The following KAZN variants were observed in gnomAD, a reference collection of about 807,000 sequenced individuals.
The protein encoded by KAZN is kazrin.
KAZN carries 40 observed loss-of-function variants against 87.4 expected under a neutral mutation model. The observed-to-expected ratio is 0.46, with a 90% CI of 0.36 to 0.60. The LOEUF (loss-of-function observed/expected upper bound fraction) is 0.60. Among genes scored for constraint, KAZN ranks in the 20% least tolerant of loss-of-function variants. KAZN has a pLI of 0.00. For missense variants in KAZN, 898 were observed against 1,073.9 expected, an observed-to-expected ratio of 0.84 and a Z score of 2.29; for synonymous variants, 466 against 458.3, an observed-to-expected ratio of 1.02 and a Z score of -0.22.
chr1:14,869,114 G>A (rs1019462474), intron 1 of KAZN, among the ~76,000 whole-genome samples: 4 of 152,312 alleles, frequency 2.6e-5, no homozygotes, highest in Admixed American at 2.6e-4. Flanking sequence ...CCAAAGCCAT[G>A]ACAGCTGGAT....
intron 2 of KAZN, among the ~76,000 whole-genome samples, chr1:15,011,214 T>A (rs1311525967): frequency 1.3e-5 from 2 of 152,202 alleles, no homozygotes; most frequent in Non-Finnish European, 2.9e-5. Flanking sequence ...CCTACCCTGC[T>A]TATGTAGCCA....
chr1:14,616,912 C>T lies in KAZN; in HGVS notation c.226+17689C>T, dbSNP rs1341064702. Among the ~76,000 whole-genome samples the T allele has an allele frequency of 4.6e-5, 7 of 152,336 alleles. No individual in the cohort carries two copies. In the East Asian group the frequency reaches 1.2e-3, roughly 25 times the overall value. On this transcript the variant is annotated intron_variant, in intron 1 of 14. Coordinates refer to ENST00000376030, the MANE Select transcript of KAZN (RefSeq NM_201628.3). ...TCAAATCGCTATTAACTCCAGCCAG[C>T]TCCTAAGGGGCTGTCTATGCTGTCC... is the stretch of plus-strand genomic sequence containing the variant.
chr1:14,316,175 C>T (rs1655646158), intron 2 of KAZN, among the ~76,000 whole-genome samples: 1 of 151,906 alleles, frequency 6.6e-6, no homozygotes. Context: ...TCATGTACTT[C>T]CTGGACAGGT....
At chr1:14,692,039 A>C in intron 1 of KAZN, 1 of 210,828 alleles carries the variant, frequency 4.7e-6, no homozygotes, top group East Asian at 1.0e-4. Context: ...CTGAACACAC[A>C]GTAGTGGTAA....
intron 1 of KAZN, among the ~76,000 whole-genome samples, chr1:14,852,665 TGAC>T (rs1479553047): frequency 6.6e-6 from 1 of 152,250 alleles, no homozygotes; most frequent in African/African-American, 2.4e-5. Context: ...TGGCAGAAGA[TGAC>T]AAGTGCAAGC....
chr1:14,123,968 C>T (rs1270689022), intron 1 of KAZN, among the ~76,000 whole-genome samples: 3 of 152,188 alleles, frequency 2.0e-5, no homozygotes, highest in African/African-American at 7.2e-5. Context: ...TGGCTGGCCC[C>T]TCGGAGGCTC....
chr1:13,950,061 C>A lies in KAZN; in HGVS notation c.91+56305C>A, dbSNP rs552414108. On this transcript the variant is annotated intron_variant, in intron 1 of 16. Coordinates refer to the KAZN transcript ENST00000636203. ...CTTGCTCTGCAGCCCCCTCTTCCAA[C>A]ACATCCCCACACCCCAGGGCTGAGC... Among the ~76,000 whole-genome samples, 7 of 152,330 alleles carry A rather than the reference C, an allele frequency of 4.6e-5. No individual in the cohort carries two copies. In the South Asian group the frequency reaches 1.4e-3, roughly 32 times the overall value.
intron 2 of KAZN, among the ~76,000 whole-genome samples, chr1:14,988,283 G>T (rs1419265557): frequency 6.6e-6 from 1 of 152,172 alleles, no homozygotes; most frequent in Non-Finnish European, 1.5e-5. Context: ...CCTCCTCCCG[G>T]GGCTTCCTCC....
At chr1:14,063,605 A>G (rs189774026) in intron 1 of KAZN, among the ~76,000 whole-genome samples, 1 of 152,320 alleles carries the variant, frequency 6.6e-6, no homozygotes, top group Non-Finnish European at 1.5e-5. Context: ...CCATCTATTC[A>G]GAAGTATTTA....
intron 1 of KAZN, among the ~76,000 whole-genome samples, chr1:14,870,101 C>A (rs1385656621): frequency 1.3e-5 from 2 of 152,138 alleles, no homozygotes; most frequent in African/African-American, 4.8e-5. Flanking sequence ...TGTCCAGGAG[C>A]ACTGGGCCTG....
At chr1:14,227,820 A>G (rs1571074931) in intron 2 of KAZN, among the ~76,000 whole-genome samples, 1 of 152,232 alleles carries the variant, frequency 6.6e-6, no homozygotes, top group African/African-American at 2.4e-5. Context: ...AAAATTCAGT[A>G]CGTATTAAAA....
intron 1 of KAZN, among the ~76,000 whole-genome samples, chr1:14,695,254 A>G (rs1343968205): frequency 6.6e-6 from 1 of 152,192 alleles, no homozygotes; most frequent in Non-Finnish European, 1.5e-5. Context: ...TGGGTCTGCT[A>G]CAACATGGCC....
At chr1:14,943,007 GGTGTGTGTGTGTGTGT>G (rs58102946) in intron 1 of KAZN, among the ~76,000 whole-genome samples, 14 of 100,864 alleles carry the variant, frequency 1.4e-4, no homozygotes, top group Admixed American at 4.6e-4. Flanking sequence ...GTGTGTGTGT[GGTGTGTGTGTGTGTGT>G]GTGTGTGTGT....
At chr1:14,995,356 C>T (rs1023625342) in intron 2 of KAZN, among the ~76,000 whole-genome samples, 2 of 152,204 alleles carry the variant, frequency 1.3e-5, no homozygotes, top group Non-Finnish European at 2.9e-5. Flanking sequence ...TCTCCCCTTC[C>T]CTTTGCTATC....
chr1:14,309,560 T>C (rs1655148047), intron 2 of KAZN, among the ~76,000 whole-genome samples: 1 of 152,136 alleles, frequency 6.6e-6, no homozygotes. Flanking sequence ...TGGCATTAAT[T>C]GATTTTTTTG....
At chr1:14,386,275 A>G (rs1432226561) in intron 2 of KAZN, among the ~76,000 whole-genome samples, 7 of 146,808 alleles carry the variant, frequency 4.8e-5, no homozygotes, top group African/African-American at 1.8e-4. Flanking sequence ...CCAATTTGCC[A>G]GTCTGTGTCT....
At chr1:14,324,674 C>T (rs975465788) in intron 2 of KAZN, among the ~76,000 whole-genome samples, 5 of 152,112 alleles carry the variant, frequency 3.3e-5, no homozygotes, top group African/African-American at 1.2e-4. Context: ...GGGGGAAGTA[C>T]TTGAAACATT....
At chr1:15,092,755 G>A (rs375747151) in intron 8 of KAZN, among the ~76,000 whole-genome samples, 6 of 152,150 alleles carry the variant, frequency 3.9e-5, no homozygotes, top group South Asian at 2.1e-4. Flanking sequence ...GATTATAGGC[G>A]TGAGCTACCA....
chr1:14,090,972 C>T (rs1281880067), intron 1 of KAZN, among the ~76,000 whole-genome samples: 2 of 151,916 alleles, frequency 1.3e-5, no homozygotes, highest in African/African-American at 4.8e-5. Flanking sequence ...ATTAGCTGGG[C>T]ATGGTGGCAC....
Sources: allele counts gnomAD v4.1 joint callset (sites outside exome capture counted in the v4.1 genomes callset), GRCh38; gene constraint gnomAD v4.1.1; transcripts MANE v1.5; gene names NCBI Gene and HGNC (gene_info 2026-07-23, HGNC 2026-07-21).